The following MTAP variants were observed in gnomAD, a reference collection of about 807,000 sequenced individuals.
MTAP encodes methylthioadenosine phosphorylase.
Under a neutral mutation model 33.6 loss-of-function variants are expected in MTAP, and 33 were observed. The ratio of observed to expected loss-of-function variants is 0.98; its 90% confidence interval spans 0.74 to 1.31. MTAP has a LOEUF of 1.31. MTAP is among the 40% of genes most tolerant of loss of function. The probability of loss-of-function intolerance (pLI) is 0.00; values close to 1 mark genes in which losing one functional copy is unlikely to be tolerated. For synonymous variants in MTAP, 148 were observed against 125.7 expected, an observed-to-expected ratio of 1.18 and a Z score of -1.19; for missense variants, 367 against 360.0, an observed-to-expected ratio of 1.02 and a Z score of -0.16.
Position 21,854,747 on chromosome 9 carries a change from G to C in MTAP, c.567G>C (p.Trp189Cys), listed in dbSNP as rs1241629848. 1.2e-6 allele frequency: 2 copies of C among 1,614,160 alleles called. No individual in the cohort carries two copies. The highest frequency in any genetic ancestry group is 2.7e-5 in the African/African-American group (2 of 75,056). The change falls in exon 6 of 8, where the codon TGG becomes TGC. Residue 189 changes from tryptophan to cysteine, a missense_variant. Transcript: ENST00000644715. ...CAGAAAGCTTCATGTTCCGCACCTG[G>C]GGGGCGGATGTTATCAACATGACCA... ...SRAESFMFRT[W>C]GADVINMTTV...
At chr9:21,894,751 AATAT>A (rs564121129) in intron 1 of MTAP, among the ~76,000 whole-genome samples, 1 of 151,634 alleles carries the variant, frequency 6.6e-6, no homozygotes, top group African/African-American at 2.4e-5. Flanking sequence ...GTAATTAAAA[AATAT>A]ATATATATAA....
At chr9:21,815,680 A>G (rs2118029289) in intron 2 of MTAP, 161 bp downstream of exon 2, 3 of 636,494 alleles carry the variant, frequency 4.7e-6, no homozygotes, top group Admixed American at 3.1e-5. Flanking sequence ...GTTGGGTTCC[A>G]TCAGCTGAGA....
rs200218150 is a variant in MTAP at position 21,854,609 on chromosome 9, G to A, written c.451-22G>A. The A allele has an allele frequency of 2.2e-5, 33 of 1,524,802 alleles. 1 individual carries two copies. Among genetic ancestry groups the A allele is most frequent in the Non-Finnish European group, 2.7e-5 (31 of 1,137,776 alleles). 94.5% of individuals were successfully genotyped at this position (1,524,802 alleles called of 1,614,324 possible). Reference sequence around the variant, plus strand: ...TGTGCATGTGCTAGTATGTTTTGAAGTTTCTGGTTTTTCTTTTCTAGGTTC... The same window carrying A: ...TGTGCATGTGCTAGTATGTTTTGAAATTTCTGGTTTTTCTTTTCTAGGTTC... On this transcript the variant is annotated intron_variant, in intron 5 of 7. Transcript: ENST00000644715.
chr9:21,937,331 C>G (rs1819057305), exon 8 of MTAP: 1 of 151,544 alleles, frequency 6.6e-6, no homozygotes, highest in Non-Finnish European at 1.5e-5. Flanking sequence ...CAGTGAGACT[C>G]CATCTCAAAA....
chr9:21,848,185 C>G (rs1044539550), intron 5 of MTAP, among the ~76,000 whole-genome samples: 2 of 152,156 alleles, frequency 1.3e-5, no homozygotes, highest in African/African-American at 4.8e-5. Flanking sequence ...TGATTCTTCT[C>G]AGGAGCCACC....
intron 6 of MTAP, among the ~76,000 whole-genome samples, chr9:21,857,049 G>C (rs578216005): frequency 6.6e-6 from 1 of 152,300 alleles, no homozygotes; most frequent in South Asian, 2.1e-4. Context: ...GTCATCAGAT[G>C]GTGGCTCTGA....
chr9:21,818,341 T>G, intron 4 of MTAP, 139 bp downstream of exon 4: 1 of 742,902 alleles, frequency 1.3e-6, no homozygotes, highest in African/African-American at 2.0e-5. Context: ...TTTTTTTTTT[T>G]TTTGGAGACG....
At chr9:21,821,733 C>T (rs1231283882) in intron 4 of MTAP, among the ~76,000 whole-genome samples, 7 of 152,080 alleles carry the variant, frequency 4.6e-5, no homozygotes, top group Non-Finnish European at 8.8e-5. Context: ...TGGTAGAATT[C>T]GGCTGTGAAT....
At chr9:21,858,414 A>C (rs1168728008) in intron 6 of MTAP, among the ~76,000 whole-genome samples, 2 of 152,230 alleles carry the variant, frequency 1.3e-5, no homozygotes, top group Non-Finnish European at 2.9e-5. Context: ...TACAGGCTGT[A>C]CGGGACGTGA....
At position 21,862,157 on chromosome 9, in the gene MTAP, ACATTGTGTGTATTAGAGACTCCTGAAT is replaced by A. The variant is rs1228170444; in HGVS notation, c.*144_*170del. 1 of 1,508,252 alleles carries A rather than the reference ACATTGTGTGTATTAGAGACTCCTGAAT, an allele frequency of 6.6e-7. No individual in the cohort carries two copies. Among genetic ancestry groups the A allele is most frequent in the Non-Finnish European group, 8.8e-7 (1 of 1,132,312 alleles). The allele number at this position is 1,508,252 out of a possible 1,614,324, so 93.4% of individuals were successfully genotyped here. A position where few individuals can be genotyped will look rare whatever the true frequency, so the allele number is the denominator to read the frequency against. On this transcript the variant is annotated 3_prime_UTR_variant, in exon 8 of 8. Coordinates refer to ENST00000644715, the MANE Select transcript of MTAP (RefSeq NM_002451.4). ...AAGAGTATGTTGTAAGAAAGACAAG[ACATTGTGTGTATTAGAGACTCCTGAAT>A]GATTTAGACAACTTCAAAATACAGA...
At chr9:21,829,603 C>A (rs757059107) in intron 4 of MTAP, among the ~76,000 whole-genome samples, 2 of 151,124 alleles carry the variant, frequency 1.3e-5, no homozygotes, top group Non-Finnish European at 2.9e-5. Context: ...GGCCTATTGC[C>A]GTAAGTTTGT....
At chr9:21,910,429 G>A (rs1041514822) in intron 1 of MTAP, among the ~76,000 whole-genome samples, 1 of 152,136 alleles carries the variant, frequency 6.6e-6, no homozygotes, top group African/African-American at 2.4e-5. Flanking sequence ...AAATGGGGTG[G>A]TCACTATTGG....
rs7868783 is a variant in MTAP at position 21,838,146 on chromosome 9, A to G, written c.450+136A>G. The G allele has an allele frequency of 0.4, 253,895 of 640,532 alleles. 53,027 individuals are homozygous for G. Among genetic ancestry groups the G allele is most frequent in the Admixed American group, 0.48 (17,297 of 35,866 alleles). The allele number at this position is 640,532 out of a possible 1,614,324, so 39.7% of individuals were successfully genotyped here. A position where few individuals can be genotyped will look rare whatever the true frequency, so the allele number is the denominator to read the frequency against. On this transcript the variant is annotated intron_variant, in intron 5 of 7. Transcript: ENST00000644715. ...GCTTTGTATTATGCAAAGTTTTATGAAGAGTTATTTCCTGTTGCTAATAAT... is the reference window on the plus strand; with the variant it reads ...GCTTTGTATTATGCAAAGTTTTATGGAGAGTTATTTCCTGTTGCTAATAAT...
chr9:21,843,936 A>G (rs1466601691), intron 5 of MTAP, among the ~76,000 whole-genome samples: 1 of 152,184 alleles, frequency 6.6e-6, no homozygotes, highest in African/African-American at 2.4e-5. Flanking sequence ...AAAAAATACA[A>G]AAGATAAATG....
chr9:21,941,106 G>T, downstream of MTAP: 3 of 669,486 alleles, frequency 4.5e-6, no homozygotes, highest in Non-Finnish European at 5.5e-6. Context: ...ATTTTAAAAT[G>T]TACCAGTTAT....
chr9:21,806,992 C>T (rs971621263), intron 1 of MTAP, among the ~76,000 whole-genome samples: 9 of 152,030 alleles, frequency 5.9e-5, no homozygotes, highest in Non-Finnish European at 8.8e-5. Context: ...GGTGAAACCC[C>T]ATTTCTACAA....
downstream of MTAP, chr9:21,931,615 A>G (rs563284460): frequency 2.6e-5 from 4 of 156,440 alleles, no homozygotes; most frequent in Admixed American, 6.4e-5. Context: ...CTCTAAAAAC[A>G]CATGACTCAT....
intron 1 of MTAP, among the ~76,000 whole-genome samples, chr9:21,872,485 C>T (rs543699438): frequency 1.3e-5 from 2 of 152,134 alleles, no homozygotes; most frequent in Non-Finnish European, 2.9e-5. Flanking sequence ...CATTTTCATT[C>T]ATTGTTGATT....
rs1323576762 is a variant in MTAP at position 21,837,995 on chromosome 9, C to T, written c.435C>T (p.Cys145=). The change falls in exon 5 of 8, where the codon TGC becomes TGT. Residue 145 remains cysteine, a synonymous_variant. Transcript: ENST00000644715. ...VCHIPMAEPF[C]PKTREVLIET... ...ATATTCCAATGGCTGAGCCGTTTTG[C>T]CCCAAAACGAGAGAGGTGTGTAGTC... 3 of 1,613,600 alleles carry T rather than the reference C, an allele frequency of 1.9e-6. No individual in the cohort carries two copies. Among genetic ancestry groups the T allele is most frequent in the East Asian group, 2.2e-5 (1 of 44,868 alleles).
Sources: allele counts gnomAD v4.1 joint callset (sites outside exome capture counted in the v4.1 genomes callset), GRCh38; gene constraint gnomAD v4.1.1; transcripts MANE v1.5; gene names NCBI Gene and HGNC (gene_info 2026-07-23, HGNC 2026-07-21).